AKAP19: variants seen among roughly 807,000 people sequenced by gnomAD.
AKAP19 encodes A-kinase anchoring protein 19.
chr2:189,955,083 A>G, the AKAP19 span, among the ~76,000 whole-genome samples: 1 of 152,078 alleles, frequency 6.6e-6, no homozygotes, highest in Non-Finnish European at 1.5e-5. Context: ...ATCATGTTTC[A>G]TCTGTACCTG....
the AKAP19 span, among the ~76,000 whole-genome samples, chr2:190,058,687 A>C: frequency 6.6e-6 from 1 of 152,020 alleles, no homozygotes; most frequent in African/African-American, 2.4e-5. Flanking sequence ...AAAAAGAGTA[A>C]AGGAATGTCT....
the AKAP19 span, among the ~76,000 whole-genome samples, chr2:190,157,538 G>C: frequency 6.6e-6 from 1 of 152,120 alleles, no homozygotes; most frequent in South Asian, 2.1e-4. Flanking sequence ...ATAAAGCTAT[G>C]TATAAAGGAA....
the AKAP19 span, among the ~76,000 whole-genome samples, chr2:190,031,563 T>A: frequency 6.6e-6 from 1 of 152,182 alleles, no homozygotes; most frequent in Non-Finnish European, 1.5e-5. Flanking sequence ...ATAATTATCA[T>A]GACTTTATTT....
At chr2:190,035,582 T>C in the AKAP19 span, among the ~76,000 whole-genome samples, 4 of 152,262 alleles carry the variant, frequency 2.6e-5, no homozygotes, top group African/African-American at 9.6e-5. Context: ...TGCCACTTTG[T>C]AGTCAGTCTC....
the AKAP19 span, among the ~76,000 whole-genome samples, chr2:189,921,181 C>T: frequency 6.6e-6 from 1 of 152,112 alleles, no homozygotes; most frequent in Non-Finnish European, 1.5e-5. Flanking sequence ...TGTAACCACA[C>T]CATACTTTCT....
At chr2:190,037,816 A>T in the AKAP19 span, among the ~76,000 whole-genome samples, 1 of 152,240 alleles carries the variant, frequency 6.6e-6, no homozygotes, top group African/African-American at 2.4e-5. Flanking sequence ...TACGTTCTTT[A>T]ACTGATCTCA....
At chr2:190,007,303 A>G in the AKAP19 span, among the ~76,000 whole-genome samples, 1 of 152,368 alleles carries the variant, frequency 6.6e-6, no homozygotes, top group South Asian at 2.1e-4. Context: ...GTGGGAACTC[A>G]CATGACTTCA....
chr2:190,191,813 T>G, the AKAP19 span, among the ~76,000 whole-genome samples: 1 of 152,236 alleles, frequency 6.6e-6, no homozygotes, highest in Non-Finnish European at 1.5e-5. Flanking sequence ...TAAACTGGGT[T>G]GTTGTCTTGC....
the AKAP19 span, among the ~76,000 whole-genome samples, chr2:190,144,063 C>T: frequency 6.8e-6 from 1 of 146,574 alleles, no homozygotes; most frequent in East Asian, 2.0e-4. Flanking sequence ...GGAGATATAC[C>T]TAATGGTGGA....
chr2:190,144,197 TTAA>T, the AKAP19 span, among the ~76,000 whole-genome samples: 4 of 141,988 alleles, frequency 2.8e-5, no homozygotes, highest in African/African-American at 1.0e-4. Flanking sequence ...AAAAAAAATA[TTAA>T]TAAAATTATA....
the AKAP19 span, among the ~76,000 whole-genome samples, chr2:189,948,196 AAGTT>A: frequency 1.3e-5 from 2 of 152,174 alleles, no homozygotes; most frequent in Non-Finnish European, 2.9e-5. Flanking sequence ...GGTATTCTGA[AAGTT>A]AATAAGAAAG....
At chr2:189,899,768 A>G in the AKAP19 span, among the ~76,000 whole-genome samples, 1 of 145,816 alleles carries the variant, frequency 6.9e-6, no homozygotes, top group African/African-American at 2.6e-5. Context: ...CCTTTCTTTT[A>G]TATTCTGTTA....
the AKAP19 span, among the ~76,000 whole-genome samples, chr2:190,018,147 G>T: frequency 0.034 from 5,224 of 152,122 alleles, 285 homozygotes; most frequent in African/African-American, 0.12. Flanking sequence ...GGTTGAATTT[G>T]ATTGGAGATC....
chr2:189,886,990 A>T, the AKAP19 span, among the ~76,000 whole-genome samples: 36 of 152,200 alleles, frequency 2.4e-4, no homozygotes, highest in East Asian at 2.9e-3. Flanking sequence ...GCTTTTTTTT[A>T]AATTTTTTTT....
At chr2:190,188,879 A>T in the AKAP19 span, among the ~76,000 whole-genome samples, 1 of 152,256 alleles carries the variant, frequency 6.6e-6, no homozygotes, top group African/African-American at 2.4e-5. Context: ...TGAAAATCTG[A>T]TTAACAAATA....
the AKAP19 span, among the ~76,000 whole-genome samples, chr2:189,891,678 T>G: frequency 1.3e-5 from 2 of 152,142 alleles, no homozygotes; most frequent in Non-Finnish European, 2.9e-5. Flanking sequence ...TTTCCATTAT[T>G]TCAACCTTGG....
the AKAP19 span, among the ~76,000 whole-genome samples, chr2:190,000,784 C>G: frequency 1.3e-5 from 2 of 151,994 alleles, no homozygotes; most frequent in Non-Finnish European, 2.9e-5. Flanking sequence ...TAATTATTTT[C>G]TTCTTGTTGC....
At chr2:189,916,008 A>G in the AKAP19 span, among the ~76,000 whole-genome samples, 77 of 152,318 alleles carry the variant, frequency 5.1e-4, 2 homozygotes, top group South Asian at 0.014. Flanking sequence ...CAATTAAGCT[A>G]TCACTTTATA....
the AKAP19 span, among the ~76,000 whole-genome samples, chr2:190,117,584 T>C: frequency 6.6e-6 from 1 of 152,258 alleles, no homozygotes; most frequent in African/African-American, 2.4e-5. Context: ...CTTTACTTTG[T>C]AGTTGATCTG....
Sources: gnomAD v4.1 joint callset for allele counts (sites outside exome capture counted in the v4.1 genomes callset) on GRCh38, gnomAD v4.1.1 for gene constraint, MANE v1.5 for transcripts, NCBI Gene and HGNC (gene_info 2026-07-23, HGNC 2026-07-21) for gene names.